EPHA7: variants seen among roughly 807,000 people sequenced by gnomAD.
EPHA7 encodes EPH receptor A7.
In EPHA7, 25 loss-of-function variants were observed where a neutral mutation model predicts 112.6. The observed-to-expected ratio is 0.22, with a 90% CI of 0.16 to 0.31. EPHA7 has a LOEUF of 0.31. Ranked by LOEUF, EPHA7 falls within the 10% of genes least tolerant of loss-of-function variation. The pLI, the probability that EPHA7 is intolerant of heterozygous loss-of-function variation, is 1.00. For missense variants in EPHA7, 962 were observed against 1,212.6 expected, an observed-to-expected ratio of 0.79 and a Z score of 3.07; for synonymous variants, 437 against 406.5, an observed-to-expected ratio of 1.07 and a Z score of -0.90.
At chr6:93,263,999 C>A in intron 8 of EPHA7, 84 bp from the exon 9 acceptor site, 1 of 957,282 alleles carries the variant, frequency 1.0e-6, no homozygotes, top group South Asian at 1.7e-5. Flanking sequence ...AGTTACTCAA[C>A]AACTTACTAG....
At position 93,312,380 on chromosome 6, in the gene EPHA7, GC is replaced by G. The variant is rs770706925; in HGVS notation, c.1325-39959del. ...TCTATATCAACACTTGCTTCATCTTGCACTTTCATGTTATGGAGATGGCTCC... is the reference window on the plus strand; with the variant it reads ...TCTATATCAACACTTGCTTCATCTTGACTTTCATGTTATGGAGATGGCTCC... On this transcript the variant is annotated intron_variant, in intron 5 of 16. Transcript: ENST00000369303. Among the ~76,000 whole-genome samples, 10 of 149,178 alleles carry G rather than the reference GC, an allele frequency of 6.7e-5. No homozygotes were observed. In the South Asian group the frequency reaches 1.5e-3, roughly 22 times the overall value.
chr6:93,264,287 T>C (rs1770826768), intron 8 of EPHA7, among the ~76,000 whole-genome samples: 1 of 151,510 alleles, frequency 6.6e-6, no homozygotes, highest in Non-Finnish European at 1.5e-5. Flanking sequence ...AAACATTTAA[T>C]AGCTAAAAGA....
chr6:93,303,495 C>G (rs1773098671), intron 5 of EPHA7, among the ~76,000 whole-genome samples: 2 of 151,938 alleles, frequency 1.3e-5, no homozygotes, highest in South Asian at 4.1e-4. Context: ...AAAAATCAAG[C>G]TGGATGTAGA....
intron 3 of EPHA7, among the ~76,000 whole-genome samples, chr6:93,372,887 T>C (rs1196653259): frequency 6.6e-6 from 1 of 152,110 alleles, no homozygotes; most frequent in Non-Finnish European, 1.5e-5. Context: ...TATATCATGA[T>C]TTCATTAATT....
chr6:93,344,660 TG>T (rs2127926539), intron 5 of EPHA7, among the ~76,000 whole-genome samples: 1 of 151,774 alleles, frequency 6.6e-6, no homozygotes, highest in East Asian at 1.9e-4. Flanking sequence ...CAGTAAAAAC[TG>T]TTTCTCATGG....
chr6:93,319,907 A>G (rs1157356573), intron 5 of EPHA7, among the ~76,000 whole-genome samples: 1 of 152,144 alleles, frequency 6.6e-6, no homozygotes, highest in Admixed American at 6.6e-5. Flanking sequence ...ATATCTATAC[A>G]GCAATAAAAG....
Position 93,258,178 on chromosome 6 carries a change from T to G in EPHA7, c.2031A>C (p.Arg677Ser). ...LKVGYTEKQR[R>S]DFLCEASIMG... Reference sequence around the variant, plus strand: ...TGATGCTTGCTTCACACAAAAAGTCTCTCCTTTGTTTTTCTGTGTAACCAA... The same window carrying G: ...TGATGCTTGCTTCACACAAAAAGTCGCTCCTTTGTTTTTCTGTGTAACCAA... The change falls in exon 11 of 17, where the codon AGA becomes AGC. Residue 677 changes from arginine to serine, a missense_variant. Transcript: ENST00000369303. The G allele has an allele frequency of 1.9e-6, 3 of 1,613,498 alleles. No homozygotes were observed. The highest frequency in any genetic ancestry group is 2.5e-6 in the Non-Finnish European group (3 of 1,179,678).
At chr6:93,313,118 T>C (rs1357371548) in intron 5 of EPHA7, among the ~76,000 whole-genome samples, 9 of 152,112 alleles carry the variant, frequency 5.9e-5, no homozygotes, top group Admixed American at 3.3e-4. Flanking sequence ...CACATGCTGT[T>C]GGAAAACTGA....
chr6:93,381,402 T>G (rs537830921), intron 3 of EPHA7, among the ~76,000 whole-genome samples: 41 of 152,322 alleles, frequency 2.7e-4, no homozygotes, highest in African/African-American at 9.4e-4. Flanking sequence ...TCATATTGTG[T>G]TTTATTACAT....
At chr6:93,382,929 C>T (rs1347624175) in intron 3 of EPHA7, among the ~76,000 whole-genome samples, 2 of 152,118 alleles carry the variant, frequency 1.3e-5, no homozygotes, top group Non-Finnish European at 2.9e-5. Context: ...TCTGAATGAC[C>T]AAGGAGATTT....
At chr6:93,383,736 G>C (rs1777464772) in intron 3 of EPHA7, among the ~76,000 whole-genome samples, 1 of 151,982 alleles carries the variant, frequency 6.6e-6, no homozygotes, top group South Asian at 2.1e-4. Flanking sequence ...ATGTCTTGTT[G>C]TCACCCAGTT....
intron 3 of EPHA7, among the ~76,000 whole-genome samples, chr6:93,392,658 C>A (rs889154532): frequency 6.6e-6 from 1 of 151,904 alleles, no homozygotes; most frequent in African/African-American, 2.4e-5. Flanking sequence ...ATTTTGCATT[C>A]TTTAACACAG....
intron 5 of EPHA7, among the ~76,000 whole-genome samples, chr6:93,273,187 C>G (rs1460937066): frequency 6.6e-6 from 1 of 151,860 alleles, no homozygotes; most frequent in African/African-American, 2.4e-5. Flanking sequence ...GACATATACT[C>G]TTTTTGGTAG....
intron 3 of EPHA7, among the ~76,000 whole-genome samples, chr6:93,368,795 A>G (rs1160053771): frequency 6.6e-6 from 1 of 152,178 alleles, no homozygotes; most frequent in African/African-American, 2.4e-5. Context: ...ATTGTCAGTT[A>G]AAGCAATCGT....
At chr6:93,403,919 T>C (rs1445722245) in intron 3 of EPHA7, among the ~76,000 whole-genome samples, 1 of 152,010 alleles carries the variant, frequency 6.6e-6, no homozygotes, top group Non-Finnish European at 1.5e-5. Context: ...AATTGTGAGA[T>C]ATATAATTGT....
chr6:93,394,644 A>T (rs922363922), intron 3 of EPHA7, among the ~76,000 whole-genome samples: 8 of 151,820 alleles, frequency 5.3e-5, no homozygotes, highest in Non-Finnish European at 8.8e-5. Context: ...AAGCAAGTTC[A>T]CTTCTTTAAT....
At chr6:93,351,063 T>C (rs1179334744) in intron 5 of EPHA7, among the ~76,000 whole-genome samples, 1 of 152,048 alleles carries the variant, frequency 6.6e-6, no homozygotes, top group East Asian at 1.9e-4. Context: ...AGAAAAGCAC[T>C]GAAGAAATTA....
intron 3 of EPHA7, among the ~76,000 whole-genome samples, chr6:93,403,358 T>TA (rs61376259): frequency 0.43 from 63,001 of 145,242 alleles, 14,630 homozygotes; most frequent in African/African-American, 0.64. Context: ...GGCGGGTAGG[T>TA]AAAAAAAAAA....
At chr6:93,337,703 C>T (rs1774943254) in intron 5 of EPHA7, among the ~76,000 whole-genome samples, 1 of 152,138 alleles carries the variant, frequency 6.6e-6, no homozygotes, top group Admixed American at 6.6e-5. Context: ...GTTCTCACCA[C>T]TGATCTCAAA....
Sources: allele counts gnomAD v4.1 joint callset (sites outside exome capture counted in the v4.1 genomes callset), GRCh38; gene constraint gnomAD v4.1.1; transcripts MANE v1.5; gene names NCBI Gene and HGNC (gene_info 2026-07-23, HGNC 2026-07-21).